The following ATXN7 variants were observed in gnomAD, a reference collection of about 807,000 sequenced individuals.
ATXN7 encodes ataxin 7.
A neutral mutation model predicts 70.5 loss-of-function variants in ATXN7; 12 were observed. That is an observed-to-expected ratio of 0.17 (90% CI 0.11 to 0.28). The LOEUF (loss-of-function observed/expected upper bound fraction) is 0.28, where lower values mean the gene tolerates loss of function less well. ATXN7 is among the 10% of genes least tolerant of loss of function. The probability of loss-of-function intolerance (pLI) is 1.00; values close to 1 mark genes in which losing one functional copy is unlikely to be tolerated. For synonymous variants in ATXN7, 498 were observed against 448.7 expected, an observed-to-expected ratio of 1.11 and a Z score of -1.39; for missense variants, 1,256 against 1,131.7, an observed-to-expected ratio of 1.11 and a Z score of -1.58.
chr3:63,965,110 A>G (rs2075197857), intron 5 of ATXN7, among the ~76,000 whole-genome samples: 1 of 152,122 alleles, frequency 6.6e-6, no homozygotes, highest in Admixed American at 6.5e-5. Context: ...TTTGTAGGGG[A>G]CTTGACTAAT....
chr3:63,954,713 T>G (rs1317642838), intron 5 of ATXN7, among the ~76,000 whole-genome samples: 90 of 84,708 alleles, frequency 1.1e-3, no homozygotes, highest in Admixed American at 2.3e-3. Flanking sequence ...TTTTTTTTGT[T>G]TTTTTTTTTT....
intron 4 of ATXN7, among the ~76,000 whole-genome samples, chr3:63,930,157 G>A (rs1422623445): frequency 6.6e-6 from 1 of 152,194 alleles, no homozygotes; most frequent in Non-Finnish European, 1.5e-5. Flanking sequence ...TGAGAGGTCA[G>A]GCTTTAATGC....
In ATXN7 at chr3:64,003,160, C is replaced by T. The variant is rs947598882; in HGVS notation, c.*3693C>T. 6.3e-4 allele frequency: 94 copies of T among 149,234 alleles called. No homozygotes were observed. Among genetic ancestry groups the T allele is most frequent in the Middle Eastern group, 3.6e-3 (1 of 278 alleles). 9.2% of individuals were successfully genotyped at this position (149,234 alleles called of 1,614,324 possible). A position where few individuals can be genotyped will look rare whatever the true frequency, so the allele number is the denominator to read the frequency against. On this transcript the variant is annotated 3_prime_UTR_variant, in exon 13 of 13. Coordinates refer to ENST00000674280, the MANE Select transcript of ATXN7 (RefSeq NM_001377405.1). ...TACATTTTCAGATAATTTAAATGAG[C>T]ACTACATACTGTCAGTGTGAATGTA...
chr3:63,877,605 A>AGCAACTGT (rs1038917422), intron 1 of ATXN7, among the ~76,000 whole-genome samples: 1 of 152,240 alleles, frequency 6.6e-6, no homozygotes, highest in African/African-American at 2.4e-5. Context: ...TCTTTATCTT[A>AGCAACTGT]GCAACTGTTT....
intron 2 of ATXN7, among the ~76,000 whole-genome samples, chr3:63,911,021 A>C (rs1703995706): frequency 6.6e-6 from 1 of 152,040 alleles, no homozygotes; most frequent in African/African-American, 2.4e-5. Flanking sequence ...CTGTCACATC[A>C]GATGTTTGAG....
rs541036098 is a variant in ATXN7 at position 63,969,513 on chromosome 3, G to A, written c.500-10402G>A. Among the ~76,000 whole-genome samples the A allele has an allele frequency of 5.2e-4, 79 of 152,350 alleles. 3 individuals are homozygous for A. In the South Asian group the frequency reaches 0.016, roughly 31 times the overall value. On this transcript the variant is annotated intron_variant, in intron 5 of 12. Coordinates refer to ENST00000674280, the MANE Select transcript of ATXN7 (RefSeq NM_001377405.1). ...GAAACAACCAAACAAAAACAAGGCA[G>A]CTCCTCTAAATTGAGTTTTACCAGG...
At chr3:63,912,087 G>A (rs1704041012) in intron 2 of ATXN7, 1 of 152,224 alleles carries the variant, frequency 6.6e-6, no homozygotes, top group East Asian at 1.9e-4. Flanking sequence ...CTCCGCTTAA[G>A]GGAGCCGGCC....
At position 63,947,758 on chromosome 3, in the gene ATXN7, G is replaced by A. The variant is rs1044388048; in HGVS notation, c.395-4621G>A. ...GAGGGGGAAGGAACAGCCCTTTGAAGTGGTGACAGCTGAGCTGAGACCTGA... is the reference window on the plus strand; with the variant it reads ...GAGGGGGAAGGAACAGCCCTTTGAAATGGTGACAGCTGAGCTGAGACCTGA... On this transcript the variant is annotated intron_variant, in intron 4 of 12. Transcript: ENST00000674280. Among the ~76,000 whole-genome samples, 5 of 152,288 alleles carry A rather than the reference G, an allele frequency of 3.3e-5. No individual in the cohort carries two copies. In the East Asian group the frequency reaches 9.7e-4, roughly 29 times the overall value.
chr3:63,981,384 G>C (rs1399162987), intron 6 of ATXN7, among the ~76,000 whole-genome samples: 4 of 152,246 alleles, frequency 2.6e-5, no homozygotes, highest in African/African-American at 4.8e-5. Flanking sequence ...ACAGCTGTTA[G>C]AGCACTGACT....
rs546340127 is a variant in ATXN7 at position 63,986,859 on chromosome 3, A to G, written c.1096-1200A>G. ...CCCTAAAGTTGTACCAACTATGCCAATACATTTGTATTATGTGTAGGGGCA... is the reference window on the plus strand; with the variant it reads ...CCCTAAAGTTGTACCAACTATGCCAGTACATTTGTATTATGTGTAGGGGCA... On this transcript the variant is annotated intron_variant, in intron 8 of 12. Coordinates refer to ENST00000674280, the MANE Select transcript of ATXN7 (RefSeq NM_001377405.1). Among the ~76,000 whole-genome samples the G allele has an allele frequency of 2.6e-4, 40 of 152,336 alleles. No homozygotes were observed. The Middle Eastern group carries it at 0.021, about 78-fold the overall frequency.
chr3:63,898,062 A>G (rs1703497612), intron 1 of ATXN7, among the ~76,000 whole-genome samples: 1 of 152,256 alleles, frequency 6.6e-6, no homozygotes, highest in African/African-American at 2.4e-5. Context: ...CAAGTTTCAT[A>G]GGAGCAGGCT....
intron 9 of ATXN7, among the ~76,000 whole-genome samples, chr3:63,988,772 T>C (rs2075619078): frequency 6.6e-6 from 1 of 152,226 alleles, no homozygotes. Context: ...TTCATTCATT[T>C]GGGGCTTTGG....
chr3:63,871,508 A>G (rs1278785184), intron 1 of ATXN7, among the ~76,000 whole-genome samples: 1 of 152,218 alleles, frequency 6.6e-6, no homozygotes, highest in Non-Finnish European at 1.5e-5. Context: ...GTATGCACAG[A>G]TGTATGTACC....
At position 63,912,789 on chromosome 3, in the gene ATXN7, G is replaced by A. The variant is rs747271054; in HGVS notation, c.191G>A (p.Gly64Glu). ...CGGCGCACACGGCCGGAGGACGGCG[G>A]GCCCGGCGCCGCCTCCACCTCGGCC... The part of the protein sequence containing the change: ...PPRRTRPEDG[G>E]PGAASTSAAA... The change falls in exon 3 of 13, where the codon GGG (glycine) becomes GAG (glutamate). Residue 64 changes from glycine to glutamate, a missense_variant. Physicochemically the swap from Gly to Glu is moderately conservative, Grantham distance 98 (BLOSUM62 -2). Coordinates refer to ENST00000674280, the MANE Select transcript of ATXN7 (RefSeq NM_001377405.1). The A allele has an allele frequency of 6.5e-7, 1 of 1,536,168 alleles. No homozygotes were observed. Among genetic ancestry groups the A allele is most frequent in the South Asian group, 1.2e-5 (1 of 83,294 alleles).
intron 4 of ATXN7, among the ~76,000 whole-genome samples, chr3:63,940,529 T>A (rs1168422877): frequency 6.6e-6 from 1 of 152,122 alleles, no homozygotes; most frequent in East Asian, 1.9e-4. Context: ...CTTAACTGAG[T>A]CATGAGATTA....
At chr3:63,876,754 G>A (rs1023316563) in intron 1 of ATXN7, among the ~76,000 whole-genome samples, 66 of 152,208 alleles carry the variant, frequency 4.3e-4, no homozygotes, top group African/African-American at 1.5e-3. Flanking sequence ...CATAAATCTG[G>A]TATCAAGTAT....
chr3:63,907,326 G>T (rs1350921725), intron 2 of ATXN7, among the ~76,000 whole-genome samples: 1 of 152,060 alleles, frequency 6.6e-6, no homozygotes, highest in Non-Finnish European at 1.5e-5. Flanking sequence ...TCAGTACAAA[G>T]GTACATGGGA....
chr3:63,950,971 A>G (rs1360413668), intron 4 of ATXN7, among the ~76,000 whole-genome samples: 1 of 152,148 alleles, frequency 6.6e-6, no homozygotes. Flanking sequence ...TCCAAGCCAC[A>G]TTATAAGTCA....
chr3:63,994,712 G>T (rs949804769), intron 11 of ATXN7, among the ~76,000 whole-genome samples: 3 of 152,154 alleles, frequency 2.0e-5, no homozygotes, highest in Non-Finnish European at 4.4e-5. Flanking sequence ...GGCAATCCTG[G>T]CACTTGCCTT....
Sources: allele counts gnomAD v4.1 joint callset (sites outside exome capture counted in the v4.1 genomes callset), GRCh38; gene constraint gnomAD v4.1.1; transcripts MANE v1.5; gene names NCBI Gene and HGNC (gene_info 2026-07-23, HGNC 2026-07-21).